The following ZNF143 variants were observed in gnomAD, a reference collection of about 807,000 sequenced individuals.
The protein encoded by ZNF143 is SPH-binding factor.
ZNF143 carries 49 observed loss-of-function variants against 74.1 expected under a neutral mutation model. That is an observed-to-expected ratio of 0.66 (90% CI 0.53 to 0.84). The LOEUF is 0.84. Ranked by LOEUF, ZNF143 falls within the 40% of genes least tolerant of loss-of-function variation. The probability of loss-of-function intolerance (pLI) is 0.00; values close to 1 mark genes in which losing one functional copy is unlikely to be tolerated. For missense variants in ZNF143, 637 were observed against 793.4 expected (o/e 0.80, Z 2.37); for synonymous variants, 304 against 282.8 (o/e 1.07, Z -0.75).
chr11:9,508,895 G>A, intron 12 of ZNF143, 49 bp downstream of exon 12: 1 of 1,502,212 alleles, frequency 6.7e-7, no homozygotes. Flanking sequence ...AGAATCAACA[G>A]TTATGAACAT....
chr11:9,515,690 T>TA (rs1169027237), intron 13 of ZNF143, among the ~76,000 whole-genome samples: 1 of 143,138 alleles, frequency 7.0e-6, no homozygotes, highest in African/African-American at 2.6e-5. Flanking sequence ...AGAAAAGAAA[T>TA]ACTGTATTGC....
intron 7 of ZNF143, among the ~76,000 whole-genome samples, chr11:9,481,383 C>A (rs1171926030): frequency 6.6e-6 from 1 of 151,576 alleles, no homozygotes; most frequent in African/African-American, 2.4e-5. Flanking sequence ...AGACCCTGTT[C>A]TCCCCCACCT....
intron 7 of ZNF143, among the ~76,000 whole-genome samples, chr11:9,486,025 T>G (rs2133972017): frequency 6.6e-6 from 1 of 151,320 alleles, no homozygotes; most frequent in South Asian, 2.1e-4. Context: ...GCTTGAGCTC[T>G]AGAGCCAAAC....
At chr11:9,501,998 G>A (rs377565808) in intron 11 of ZNF143, among the ~76,000 whole-genome samples, 1 of 131,110 alleles carries the variant, frequency 7.6e-6, no homozygotes, top group Admixed American at 8.6e-5. Context: ...GTGCAATGGC[G>A]CGATCTCGGC....
chr11:9,462,534 G>C (rs1319150130), intron 1 of ZNF143, among the ~76,000 whole-genome samples: 2 of 151,208 alleles, frequency 1.3e-5, no homozygotes, highest in Admixed American at 1.3e-4. Context: ...CTGTACTCCC[G>C]TCTGGGTGAC....
intron 14 of ZNF143, among the ~76,000 whole-genome samples, chr11:9,519,483 C>G (rs1446889029): frequency 6.6e-6 from 1 of 152,124 alleles, no homozygotes; most frequent in African/African-American, 2.4e-5. Context: ...TAAATGGAAC[C>G]ACAGTATGAA....
intron 11 of ZNF143, 44 bp from the exon 12 acceptor site, chr11:9,508,575 C>A: frequency 6.3e-7 from 1 of 1,580,256 alleles, no homozygotes; most frequent in Non-Finnish European, 8.6e-7. Flanking sequence ...ATGATTTTGC[C>A]TACATATGTA....
chr11:9,485,557 A>G (rs1847440644), intron 7 of ZNF143, among the ~76,000 whole-genome samples: 1 of 151,284 alleles, frequency 6.6e-6, no homozygotes, highest in Non-Finnish European at 1.5e-5. Flanking sequence ...CATGTTGGCC[A>G]GGCTGGTCTG....
At chr11:9,483,072 C>T (rs1193778203) in intron 7 of ZNF143, among the ~76,000 whole-genome samples, 3 of 150,972 alleles carry the variant, frequency 2.0e-5, no homozygotes, top group Non-Finnish European at 4.4e-5. Flanking sequence ...TGGCTGACTG[C>T]AACCTCCACC....
rs1565074724 is a variant in ZNF143 at position 9,527,538 on chromosome 11, A to G, written c.1842A>G (p.Glu614=). ...GTGTGTTCCTGTTTCAGCTTGGAGA[A>G]CAGCCATCTCTGGAAGAAGCCATCA... The part of the protein sequence containing the change: ...NGTQIAVQLG[E]QPSLEEAIRI... The change falls in exon 16 of 16, where the codon GAA becomes GAG. Residue 614 remains glutamate (E), a synonymous_variant. Transcript: ENST00000396602. The G allele has an allele frequency of 6.2e-7, 1 of 1,614,098 alleles. No individual in the cohort carries two copies. The highest frequency in any genetic ancestry group is 8.5e-7 in the Non-Finnish European group (1 of 1,179,998).
intron 1 of ZNF143, among the ~76,000 whole-genome samples, chr11:9,464,294 G>C (rs1218428005): frequency 6.6e-6 from 1 of 152,022 alleles, no homozygotes; most frequent in Non-Finnish European, 1.5e-5. Context: ...ACAATGCCCA[G>C]CTAATTTTTA....
At chr11:9,461,130 C>A (rs1855790296) in intron 1 of ZNF143, 54 bp downstream of exon 1, 1 of 974,908 alleles carries the variant, frequency 1.0e-6, no homozygotes, top group Non-Finnish European at 1.2e-6. Context: ...GCCTGGCCGC[C>A]GCCCTCAGCG....
At position 9,500,048 on chromosome 11, in the gene ZNF143, TC is replaced by T. The variant is rs566913772; in HGVS notation, c.968-1037del. Reference sequence around the variant, plus strand: ...GCCTTGACTTCTTGTGCTCATGTGATCCCCCCATCTCACCCTCCCGAGTAGC... The same window carrying T: ...GCCTTGACTTCTTGTGCTCATGTGATCCCCCATCTCACCCTCCCGAGTAGC... On this transcript the variant is annotated intron_variant, in intron 10 of 15. Transcript: ENST00000396602. Among the ~76,000 whole-genome samples, 15 of 152,220 alleles carry T rather than the reference TC, an allele frequency of 9.9e-5. No homozygotes were observed. The East Asian group carries it at 2.9e-3, about 29-fold the overall frequency.
At chr11:9,477,971 G>A (rs370880507) in intron 5 of ZNF143, among the ~76,000 whole-genome samples, 8 of 152,216 alleles carry the variant, frequency 5.3e-5, no homozygotes, top group South Asian at 4.1e-4. Context: ...GAATACAGGC[G>A]CGTGCCACCG....
intron 12 of ZNF143, among the ~76,000 whole-genome samples, chr11:9,509,074 C>G (rs528032109): frequency 6.6e-6 from 1 of 152,174 alleles, no homozygotes; most frequent in East Asian, 1.9e-4. Context: ...TTGGAGAGAT[C>G]TTGAGGTTGA....
At chr11:9,517,039 C>T (rs529363089) in intron 14 of ZNF143, among the ~76,000 whole-genome samples, 5 of 152,262 alleles carry the variant, frequency 3.3e-5, no homozygotes, top group Admixed American at 6.5e-5. Context: ...CTCAGCCTCC[C>T]GAGTAGCTGA....
intron 3 of ZNF143, among the ~76,000 whole-genome samples, chr11:9,473,139 C>T (rs1856683378): frequency 6.6e-6 from 1 of 151,988 alleles, no homozygotes; most frequent in Admixed American, 6.6e-5. Context: ...GCCTGTAATC[C>T]CAACGCTTTG....
chr11:9,520,597 C>T (rs955946340), intron 14 of ZNF143, among the ~76,000 whole-genome samples: 1 of 151,968 alleles, frequency 6.6e-6, no homozygotes, highest in African/African-American at 2.4e-5. Context: ...TCGAGACCAG[C>T]CTGGCCAGCA....
intron 1 of ZNF143, among the ~76,000 whole-genome samples, chr11:9,464,879 C>T (rs1288203404): frequency 6.6e-6 from 1 of 151,816 alleles, no homozygotes. Flanking sequence ...GACGAGATCG[C>T]GTCACTGTAT....
Sources: gnomAD v4.1 joint callset for allele counts (sites outside exome capture counted in the v4.1 genomes callset) on GRCh38, gnomAD v4.1.1 for gene constraint, MANE v1.5 for transcripts, NCBI Gene and HGNC (gene_info 2026-07-23, HGNC 2026-07-21) for gene names.